Variants in TEX2 observed in about 807,000 individuals in gnomAD.
TEX2 encodes the protein testis expressed 2, also known as testis-expressed protein 2.
TEX2 carries 53 observed loss-of-function variants against 106.9 expected under a neutral mutation model. That is an observed-to-expected ratio of 0.50 (90% confidence interval 0.40 to 0.62). TEX2 has a LOEUF of 0.62. Ranked by LOEUF, TEX2 falls within the 20% of genes least tolerant of loss-of-function variation. The probability of loss-of-function intolerance (pLI) is 0.00; values close to 1 mark genes in which losing one functional copy is unlikely to be tolerated. For missense variants in TEX2, 1,207 were observed against 1,379.0 expected (o/e 0.88, Z 1.98); for synonymous variants, 523 against 534.8 (o/e 0.98, Z 0.30).
chr17:64,186,016 C>G lies in TEX2; in HGVS notation c.2424+2152G>C, dbSNP rs1006727403. Among the ~76,000 whole-genome samples the G allele has an allele frequency of 3.3e-5, 5 of 152,176 alleles. No homozygotes were observed. The East Asian group carries it at 9.6e-4, about 29-fold the overall frequency. On this transcript the variant is annotated intron_variant, in intron 5 of 11. Coordinates refer to ENST00000584379, the MANE Select transcript of TEX2 (RefSeq NM_001288732.2). ...GTGGCTGGAACAAGAGAGCCCCTGA[C>G]AGCAATGCTGGGCTGTGACATCAGG... is the stretch of plus-strand genomic sequence containing the variant.
At chr17:64,243,048 C>G (rs1446303569) in intron 1 of TEX2, among the ~76,000 whole-genome samples, 1 of 152,202 alleles carries the variant, frequency 6.6e-6, no homozygotes, top group East Asian at 1.9e-4. Flanking sequence ...TCTGCCTCCG[C>G]CTCCCGAGTA....
intron 1 of TEX2, among the ~76,000 whole-genome samples, chr17:64,231,256 TC>T (rs2033649068): frequency 6.6e-6 from 1 of 152,216 alleles, no homozygotes; most frequent in Non-Finnish European, 1.5e-5. Flanking sequence ...CATGGGGCTC[TC>T]TATCCCAGTG....
At chr17:64,154,999 GC>G in intron 8 of TEX2, 32 bp from the exon 9 acceptor site, 1 of 1,527,330 alleles carries the variant, frequency 6.5e-7, no homozygotes, top group Non-Finnish European at 8.8e-7. Context: ...ACCACTGCCT[GC>G]CCTCACCCAA....
intron 1 of TEX2, among the ~76,000 whole-genome samples, chr17:64,221,704 C>T (rs1294458179): frequency 6.6e-6 from 1 of 152,186 alleles, no homozygotes; most frequent in African/African-American, 2.4e-5. Flanking sequence ...GAATTGAAAG[C>T]AGGGTCTCAA....
chr17:64,176,586 C>G (rs148372818), intron 6 of TEX2, among the ~76,000 whole-genome samples: 155 of 152,230 alleles, frequency 1.0e-3, no homozygotes, highest in Non-Finnish European at 1.9e-3. Flanking sequence ...TTTAAAGAAC[C>G]TCAAGATCCT....
chr17:64,207,366 C>T (rs1260031542), intron 2 of TEX2, among the ~76,000 whole-genome samples: 2 of 152,100 alleles, frequency 1.3e-5, no homozygotes, highest in Non-Finnish European at 2.9e-5. Context: ...TGCGGGATCT[C>T]GGTCCTGGGC....
chr17:64,246,571 T>C (rs9902804), intron 1 of TEX2, among the ~76,000 whole-genome samples: 122,214 of 152,040 alleles, frequency 0.8, 49,366 homozygotes, highest in Middle Eastern at 0.89. Context: ...AATATTGGGC[T>C]GCCCCCTAGA....
chr17:64,260,563 C>A (rs868955988), intron 1 of TEX2, among the ~76,000 whole-genome samples: 14 of 152,212 alleles, frequency 9.2e-5, no homozygotes, highest in African/African-American at 3.4e-4. Flanking sequence ...CTACTTTGCT[C>A]TGAGCCTCGG....
intron 7 of TEX2, among the ~76,000 whole-genome samples, chr17:64,162,212 GAATT>G (rs2030920642): frequency 6.6e-6 from 1 of 152,148 alleles, no homozygotes; most frequent in Non-Finnish European, 1.5e-5. Context: ...CAGTTAGAAA[GAATT>G]AATTAGCTTG....
intron 2 of TEX2, among the ~76,000 whole-genome samples, chr17:64,198,461 G>A (rs1469785742): frequency 6.6e-6 from 1 of 151,928 alleles, no homozygotes; most frequent in Non-Finnish European, 1.5e-5. Context: ...GCGGGGGGAA[G>A]TTGGAGCTGA....
chr17:64,250,750 T>C (rs1339525635), intron 1 of TEX2, among the ~76,000 whole-genome samples: 4 of 152,194 alleles, frequency 2.6e-5, no homozygotes, highest in African/African-American at 9.7e-5. Context: ...GGCACCATCT[T>C]GGCTCACTGT....
In TEX2 at chr17:64,154,903, C is replaced by G. The variant is rs369678103; in HGVS notation, c.2869G>C (p.Glu957Gln). The G allele has an allele frequency of 1.2e-6, 2 of 1,610,114 alleles. No homozygotes were observed. Among genetic ancestry groups the G allele is most frequent in the Admixed American group, 1.7e-5 (1 of 59,620 alleles). ...CTGGGCTCTGGGGCATCGTCTTCCT[C>G]GGAGGAGCCAGCGCTGGAGGATTCC... is the stretch of plus-strand genomic sequence containing the variant. ...DEESSSAGSSEEDDAPEPSGG... is the reference protein window; with the variant it reads ...DEESSSAGSSQEDDAPEPSGG... The change falls in exon 9 of 12, where the codon GAG becomes CAG. Residue 957 changes from glutamate (E) to glutamine (Q), a missense_variant. Glu to Gln is a conservative substitution (Grantham distance 29). Coordinates refer to ENST00000584379, the MANE Select transcript of TEX2 (RefSeq NM_001288732.2).
chr17:64,169,048 C>T (rs902344838), intron 7 of TEX2, among the ~76,000 whole-genome samples: 1 of 151,546 alleles, frequency 6.6e-6, no homozygotes, highest in Non-Finnish European at 1.5e-5. Context: ...TTCTTTCTTT[C>T]TTTTTTTTAA....
chr17:64,152,969 G>A lies in TEX2; in HGVS notation c.3116C>T (p.Pro1039Leu), dbSNP rs2030432411. The A allele has an allele frequency of 2.5e-6, 4 of 1,614,004 alleles. No individual in the cohort carries two copies. The African/African-American group carries it at 5.3e-5, about 22-fold the overall frequency. The stretch of plus-strand genomic sequence containing the variant: ...CCATACTCGGTCAGTCGGGGGTGGT[G>A]GAATGTTGACCGCCAAGGTTCCTCT... ...ECRGTLAVNI[P>L]PPPTDRVWYG... is the part of the protein sequence containing the mutation. The change falls in exon 10 of 12, where the codon CCA (proline) becomes CTA (leucine). Residue 1039 changes from proline to leucine, a missense_variant. By Grantham distance (98) the Pro-to-Leu change is moderately conservative. Coordinates refer to ENST00000584379, the MANE Select transcript of TEX2 (RefSeq NM_001288732.2).
intron 1 of TEX2, among the ~76,000 whole-genome samples, chr17:64,245,252 C>T (rs2033965034): frequency 6.6e-6 from 1 of 152,134 alleles, no homozygotes; most frequent in Non-Finnish European, 1.5e-5. Flanking sequence ...ACTCTATTTG[C>T]TATAATTTGA....
intron 7 of TEX2, among the ~76,000 whole-genome samples, chr17:64,162,640 C>T (rs138371670): frequency 6.6e-5 from 10 of 152,294 alleles, no homozygotes; most frequent in South Asian, 2.1e-4. Flanking sequence ...TGCCCAGTCA[C>T]GGGGACATTC....
At chr17:64,228,384 C>G (rs1331203979) in intron 1 of TEX2, among the ~76,000 whole-genome samples, 2 of 152,168 alleles carry the variant, frequency 1.3e-5, no homozygotes, top group East Asian at 3.8e-4. Context: ...AATTCTACAA[C>G]TCACAATAAT....
intron 8 of TEX2, among the ~76,000 whole-genome samples, chr17:64,158,813 G>A (rs916648841): frequency 6.6e-6 from 1 of 151,962 alleles, no homozygotes; most frequent in African/African-American, 2.4e-5. Context: ...CATTTTTCTG[G>A]GCCTTTTTCT....
At chr17:64,258,723 G>C (rs764301036) in intron 1 of TEX2, among the ~76,000 whole-genome samples, 1 of 151,768 alleles carries the variant, frequency 6.6e-6, no homozygotes, top group African/African-American at 2.4e-5. Flanking sequence ...AGCAGTAGGG[G>C]ATGGCACTAA....
Sources: gnomAD v4.1 joint callset for allele counts (sites outside exome capture counted in the v4.1 genomes callset) on GRCh38, gnomAD v4.1.1 for gene constraint, MANE v1.5 for transcripts, NCBI Gene and HGNC (gene_info 2026-07-23, HGNC 2026-07-21) for gene names.